LIG4: variants seen among roughly 807,000 people sequenced by gnomAD.
LIG4 encodes DNA ligase 4.
A neutral mutation model predicts 19.0 loss-of-function variants in LIG4; 13 were observed. The observed-to-expected ratio is 0.68, with a 90% CI of 0.44 to 1.09. The LOEUF is 1.09. LIG4 is among the 50% of genes least tolerant of loss of function. The pLI is 0.00. For synonymous variants in LIG4, 361 were observed against 358.2 expected (o/e 1.01, Z -0.09); for missense variants, 1,026 against 1,089.7 (o/e 0.94, Z 0.82).
In LIG4 at chr13:108,210,780, T is replaced by G. The variant is rs541777192; in HGVS notation, c.489A>C (p.Arg163Ser). Residue 163 changes from arginine to serine, a missense_variant, in exon 3 of 3, where the codon AGA (arginine) becomes AGC (serine). Physicochemically the swap from Arg to Ser is moderately radical, Grantham distance 110. Around this residue, in one of 3 missense-constraint regions of LIG4, gnomAD observed 493 missense variants for 544.5 expected, o/e 0.91. Coordinates refer to ENST00000442234, the MANE Select transcript of LIG4 (RefSeq NM_206937.2). ...DSIASNNSAK[R>S]KDLIKKSLLQ... ...GAAGGCTCTTTTTTATTAGGTCTTT[T>G]CTTTTAGCAGAATTATTGCTGGCAA... 9.9e-6 allele frequency: 16 copies of G among 1,614,036 alleles called. No individual in the cohort carries two copies. In the East Asian group the frequency reaches 3.3e-4, roughly 34 times the overall value.
In LIG4 at chr13:108,209,414, C is replaced by T. The variant is rs146381209; in HGVS notation, c.1855G>A (p.Gly619Ser). ...TTTTTTTCTTGTGGTTCATCATCAC[C>T]ACCTATATAAAGGTGTTTAGATGCG... is the stretch of plus-strand genomic sequence containing the variant. ...KLASKHLYIG[G>S]DDEPQEKKRK... Residue 619 changes from glycine to serine, a missense_variant, in exon 3 of 3, where the codon GGT becomes AGT. By Grantham distance (56) the Gly-to-Ser change is moderately conservative (BLOSUM62 0). Transcript: ENST00000442234. 9.3e-6 allele frequency: 15 copies of T among 1,614,088 alleles called. No homozygotes were observed. In the African/African-American group the frequency reaches 1.7e-4, roughly 19 times the overall value.
Position 108,209,689 on chromosome 13 carries a change from T to C in LIG4, c.1580A>G (p.Lys527Arg). 1 of 1,614,154 alleles carries C rather than the reference T, an allele frequency of 6.2e-7. No homozygotes were observed. The highest frequency in any genetic ancestry group is 1.1e-5 in the South Asian group (1 of 91,080). ...DLGLKLAKYW[K>R]PFHRKAPPSS... is the part of the protein sequence containing the mutation. ...TGGTGGAGCTTTTCTATGAAAAGGCTTCCAATACTTGGCCAATTTCAAACC... is the reference window on the plus strand; with the variant it reads ...TGGTGGAGCTTTTCTATGAAAAGGCCTCCAATACTTGGCCAATTTCAAACC... The change falls in exon 3 of 3, where the codon AAG becomes AGG. Residue 527 changes from lysine (K) to arginine (R), a missense_variant. Transcript: ENST00000442234.
chr13:108,209,461 C>A lies in LIG4; in HGVS notation c.1808G>T (p.Arg603Met), dbSNP rs35874133. The change falls in exon 3 of 3, where the codon AGG becomes ATG. Residue 603 changes from arginine to methionine, a missense_variant. Transcript: ENST00000442234. ...TGCGAGCTTACCAGATGCCTTCCCCCTAAGTTGTTCTAGGTCGTCCAGGGT... is the reference window on the plus strand; with the variant it reads ...TGCGAGCTTACCAGATGCCTTCCCCATAAGTTGTTCTAGGTCGTCCAGGGT... ...CMTLDDLEQL[R>M]GKASGKLASK... 1 of 1,614,156 alleles carries A rather than the reference C, an allele frequency of 6.2e-7. No homozygotes were observed. The highest frequency in any genetic ancestry group is 8.5e-7 in the Non-Finnish European group (1 of 1,180,026).
Position 108,208,431 on chromosome 13 carries a change from T to C in LIG4, c.*102A>G. 1 of 764,244 alleles carries C rather than the reference T, an allele frequency of 1.3e-6. No homozygotes were observed. Among genetic ancestry groups the C allele is most frequent in the Non-Finnish European group, 2.2e-6 (1 of 461,642 alleles). The allele number at this position is 764,244 out of a possible 1,614,324, so 47.3% of individuals were successfully genotyped here. Reference sequence around the variant, plus strand: ...TGTAATGATACTTTTTAGGCATAGATTTTTAAGATACAAAAATAAAATGTA... The same window carrying C: ...TGTAATGATACTTTTTAGGCATAGACTTTTAAGATACAAAAATAAAATGTA... On this transcript the variant is annotated 3_prime_UTR_variant, in exon 3 of 3. Coordinates refer to ENST00000442234, the MANE Select transcript of LIG4 (RefSeq NM_206937.2).
rs1288059358 is a variant in LIG4, at chr13:108,210,290, T to C, written c.979A>G (p.Ile327Val). The change falls in exon 3 of 3, where the codon ATT becomes GTT. Residue 327 changes from isoleucine to valine, a missense_variant. Physicochemically the swap from Ile to Val is conservative, Grantham distance 29 (BLOSUM62 3). Transcript: ENST00000442234. Reference sequence around the variant, plus strand: ...TAGGCCATCATCTCACCATCAAGAATACAGATTTGTATATCTGCTTTGAAT... The same window carrying C: ...TAGGCCATCATCTCACCATCAAGAACACAGATTTGTATATCTGCTTTGAAT... Reference protein sequence around the residue: ...NAFKADIQICILDGEMMAYNP... With the variant: ...NAFKADIQICVLDGEMMAYNP... The C allele has an allele frequency of 3.1e-6, 5 of 1,613,974 alleles. No homozygotes were observed. The highest frequency in any genetic ancestry group is 1.7e-5 in the Admixed American group (1 of 60,024).
intron 2 of LIG4, among the ~76,000 whole-genome samples, chr13:108,214,206 T>G (rs1009058608): frequency 6.6e-6 from 1 of 152,136 alleles, no homozygotes; most frequent in Non-Finnish European, 1.5e-5. Context: ...AACTGAAGTA[T>G]CCTTCATGCA....
In LIG4 at chr13:108,209,577, G is replaced by T. The variant is rs750170673; in HGVS notation, c.1692C>A (p.Ile564=). The T allele has an allele frequency of 9.3e-6, 15 of 1,613,936 alleles. No homozygotes were observed. The highest frequency in any genetic ancestry group is 1.2e-5 in the Non-Finnish European group (14 of 1,180,024). The change falls in exon 3 of 3, where the codon ATC becomes ATA. Residue 564 remains isoleucine (I), a synonymous_variant. Coordinates refer to ENST00000442234, the MANE Select transcript of LIG4 (RefSeq NM_206937.2). ...CAGTTTTATACATATCACTGGGTAC[G>T]ATCTCTGCTGCTTTAATCTGAACAA... ...SVIVQIKAAE[I]VPSDMYKTGC...
At chr13:108,216,837 T>A (rs1879321892), upstream of LIG4, among the ~76,000 whole-genome samples, 1 of 152,192 alleles carries the variant, frequency 6.6e-6, no homozygotes, top group South Asian at 2.1e-4. Flanking sequence ...CCAGGCAAAC[T>A]CCAAATTGAT....
rs1410858176 is a variant in LIG4, at chr13:108,210,280, C to A, written c.989G>T (p.Gly330Val). ...KADIQICILD[G>V]EMMAYNPNTQ... ...ATTAGGATTATAGGCCATCATCTCACCATCAAGAATACAGATTTGTATATC... is the reference window on the plus strand; with the variant it reads ...ATTAGGATTATAGGCCATCATCTCAACATCAAGAATACAGATTTGTATATC... The change falls in exon 3 of 3, where the codon GGT (glycine) becomes GTT (valine). Residue 330 changes from glycine to valine, a missense_variant. Transcript: ENST00000442234. 6.2e-7 allele frequency: 1 copy of A among 1,613,914 alleles called. No homozygotes were observed. Among genetic ancestry groups the A allele is most frequent in the Non-Finnish European group, 8.5e-7 (1 of 1,179,892 alleles).
chr13:108,213,364 A>T (rs892363324), intron 2 of LIG4, among the ~76,000 whole-genome samples: 3 of 152,236 alleles, frequency 2.0e-5, no homozygotes, highest in Non-Finnish European at 2.9e-5. Context: ...TAGTTTCTAC[A>T]GATATATCTA....
chr13:108,212,431 T>A (rs1056161762), intron 2 of LIG4, among the ~76,000 whole-genome samples: 6 of 152,136 alleles, frequency 3.9e-5, no homozygotes, highest in African/African-American at 1.4e-4. Flanking sequence ...CAAGTTCTAC[T>A]GGAAGATAAA....
chr13:108,208,801 T>C lies in LIG4; in HGVS notation c.2468A>G (p.Tyr823Cys), dbSNP rs751149500. The change falls in exon 3 of 3, where the codon TAT becomes TGT. Residue 823 changes from tyrosine to cysteine, a missense_variant. Tyr to Cys is a radical substitution (Grantham distance 194, BLOSUM62 -2). Transcript: ENST00000442234. Reference protein sequence around the residue: ...FRRHTVYLDSYAVINDLSTKN... With the variant: ...FRRHTVYLDSCAVINDLSTKN... ...GGTACTCAGGTCATTAATAACAGCA[T>C]ACGAGTCCAAATAAACGGTGTGGCG... is the stretch of plus-strand genomic sequence containing the variant. The C allele has an allele frequency of 6.2e-7, 1 of 1,614,120 alleles. No homozygotes were observed. The highest frequency in any genetic ancestry group is 8.5e-7 in the Non-Finnish European group (1 of 1,180,010).
chr13:108,211,292 T>C lies in LIG4; in HGVS notation c.-24A>G. The C allele has an allele frequency of 6.5e-7, 1 of 1,539,360 alleles. No homozygotes were observed. The highest frequency in any genetic ancestry group is 9.0e-7 in the Non-Finnish European group (1 of 1,115,052). On this transcript the variant is annotated 5_prime_UTR_variant, in exon 3 of 3. Transcript: ENST00000442234. ...ATCAAAGCGGTGATGAATCTTCTCG[T>C]TTAACTAGTAAAGCAAAAAGAGAAT...
rs1005719190 is a variant in LIG4, at chr13:108,211,294, T to C, written c.-26A>G. On this transcript the variant is annotated splice_region_variant and 5_prime_UTR_variant, in exon 3 of 3. Transcript: ENST00000442234. Reference sequence around the variant, plus strand: ...CAAAGCGGTGATGAATCTTCTCGTTTAACTAGTAAAGCAAAAAGAGAATAA... The same window carrying C: ...CAAAGCGGTGATGAATCTTCTCGTTCAACTAGTAAAGCAAAAAGAGAATAA... 3.3e-6 allele frequency: 5 copies of C among 1,528,976 alleles called. No homozygotes were observed. In the Admixed American group the frequency reaches 5.0e-5, roughly 15 times the overall value. The allele number at this position is 1,528,976 out of a possible 1,614,324, so 94.7% of individuals were successfully genotyped here. A position where few individuals can be genotyped will look rare whatever the true frequency, so the allele number is the denominator to read the frequency against.
Position 108,209,652 on chromosome 13 carries a change from T to C in LIG4, c.1617A>G (p.Leu539=). The C allele has an allele frequency of 2.5e-6, 4 of 1,614,190 alleles. No homozygotes were observed. The highest frequency in any genetic ancestry group is 3.4e-6 in the Non-Finnish European group (4 of 1,180,032). Residue 539 remains leucine, a synonymous_variant, in exon 3 of 3, where the codon TTA becomes TTG. Coordinates refer to ENST00000442234, the MANE Select transcript of LIG4 (RefSeq NM_206937.2). ...ATACTTCTGGCTTCTCTGTTCCACA[T>C]AAAATGCTGCTTGGTGGAGCTTTTC... ...FHRKAPPSSI[L]CGTEKPEVYI... is the part of the protein sequence containing the mutation.
rs746144616 is a variant in LIG4 at position 108,208,742 on chromosome 13, A to G, written c.2527T>C (p.Leu843=). 2.5e-5 allele frequency: 41 copies of G among 1,614,094 alleles called. No homozygotes were observed. The South Asian group carries it at 3.7e-4, about 15-fold the overall frequency. The part of the protein sequence containing the change: ...NEGTRLAIKA[L]ELRFHGAKVV... ...TTTGCTCCATGAAACCGAAGCTCCA[A>G]GGCTTTAATAGCTAACCTTGTCCCC... is the stretch of plus-strand genomic sequence containing the variant. The change falls in exon 3 of 3, where the codon TTG becomes CTG. Residue 843 remains leucine (L), a synonymous_variant. Transcript: ENST00000442234.
chr13:108,214,158 A>C (rs1878960248), intron 2 of LIG4, among the ~76,000 whole-genome samples: 1 of 152,192 alleles, frequency 6.6e-6, no homozygotes, highest in African/African-American at 2.4e-5. Flanking sequence ...ATTGCACTTA[A>C]AAAAGAGAGA....
chr13:108,212,745 G>A (rs1878800210), intron 2 of LIG4, among the ~76,000 whole-genome samples: 1 of 151,212 alleles, frequency 6.6e-6, no homozygotes, highest in African/African-American at 2.4e-5. Flanking sequence ...AAATCAAATG[G>A]CTAATTACAA....
At position 108,207,879 on chromosome 13, in the gene LIG4, T is replaced by C. The variant is rs540586956; in HGVS notation, c.*654A>G. The C allele has an allele frequency of 1.3e-5, 2 of 152,316 alleles. No homozygotes were observed. The highest frequency in any genetic ancestry group is 1.3e-4 in the Admixed American group (2 of 15,304). 9.4% of individuals were successfully genotyped at this position (152,316 alleles called of 1,614,324 possible). On this transcript the variant is annotated 3_prime_UTR_variant, in exon 3 of 3. Coordinates refer to ENST00000442234, the MANE Select transcript of LIG4 (RefSeq NM_206937.2). ...AATTAAATGTGAGCTACTTTTAAAA[T>C]TGCAAGCTTTATTTTTAATCAAACC...
Sources: gnomAD v4.1 joint callset for allele counts (sites outside exome capture counted in the v4.1 genomes callset) on GRCh38, gnomAD v4.1.1 for gene constraint, gnomAD v4.1.1 regional missense constraint, MANE v1.5 for transcripts, NCBI Gene and HGNC (gene_info 2026-07-23, HGNC 2026-07-21) for gene names.